TMEM79: variants seen among roughly 807,000 people sequenced by gnomAD.
TMEM79 encodes the protein mattrin.
TMEM79 carries 30 observed loss-of-function variants against 31.2 expected under a neutral mutation model. The ratio of observed to expected loss-of-function variants is 0.96; its 90% CI spans 0.72 to 1.30. The LOEUF (loss-of-function observed/expected upper bound fraction) is 1.30. Among genes scored for constraint, TMEM79 ranks in the 50% most tolerant of loss-of-function variants. The pLI is 0.00. For missense variants in TMEM79, 509 were observed against 528.2 expected, an observed-to-expected ratio of 0.96 and a Z score of 0.36; for synonymous variants, 213 against 229.5, an observed-to-expected ratio of 0.93 and a Z score of 0.65.
chr1:156,286,294 T>A lies in TMEM79; in HGVS notation c.792T>A (p.Phe264Leu). 6.2e-7 allele frequency: 1 copy of A among 1,614,220 alleles called. No homozygotes were observed. ...ILVYGLSLLC[F>L]SALRPFGEPR... ...TGTACGGGCTGAGCCTGTTATGCTT[T>A]TCTGCCCTTCGGCCCTTTGGGGAGC... is the stretch of plus-strand genomic sequence containing the variant. The change falls in exon 3 of 4, where the codon TTT (phenylalanine) becomes TTA (leucine). Residue 264 changes from phenylalanine (F) to leucine (L), a missense_variant. Phe to Leu is a conservative substitution (Grantham distance 22). Transcript: ENST00000405535.
chr1:156,288,165 T>C (rs1389754147), intron 3 of TMEM79, among the ~76,000 whole-genome samples: 5 of 147,810 alleles, frequency 3.4e-5, no homozygotes, highest in Non-Finnish European at 7.4e-5. Flanking sequence ...GCCACTGCAG[T>C]CTGGCCTGGG....
At chr1:156,285,055 T>C (rs1330297155) in intron 1 of TMEM79, 129 bp from the exon 2 acceptor site, 3 of 629,800 alleles carry the variant, frequency 4.8e-6, no homozygotes, top group South Asian at 4.2e-5. Flanking sequence ...TGTACCACGT[T>C]CTCCCTAAGG....
At chr1:156,290,088 CTA>C (rs1327427173) in intron 3 of TMEM79, 5 of 152,014 alleles carry the variant, frequency 3.3e-5, no homozygotes, top group Admixed American at 6.6e-5. Context: ...CACACTGCAG[CTA>C]TAAAAGAATG....
chr1:156,291,486 A>G lies in TMEM79; in HGVS notation c.1073A>G (p.Tyr358Cys), dbSNP rs1663329471. 4 of 1,612,776 alleles carry G rather than the reference A, an allele frequency of 2.5e-6. No homozygotes were observed. Among genetic ancestry groups the G allele is most frequent in the Non-Finnish European group, 3.4e-6 (4 of 1,179,846 alleles). Residue 358 changes from tyrosine (Y) to cysteine (C), a missense_variant, in exon 4 of 4, where the codon TAC becomes TGC. Tyr to Cys is a radical substitution (Grantham distance 194). Coordinates refer to ENST00000405535, the MANE Select transcript of TMEM79 (RefSeq NM_032323.3). ...CTGTCGATGCTGATGTGGAACCTCTACTACATGTTCGTGGTGGAGCCGGAG... is the reference window on the plus strand; with the variant it reads ...CTGTCGATGCTGATGTGGAACCTCTGCTACATGTTCGTGGTGGAGCCGGAG... Reference protein sequence around the residue: ...PLLSMLMWNLYYMFVVEPERM... With the variant: ...PLLSMLMWNLCYMFVVEPERM...
At position 156,285,933 on chromosome 1, in the gene TMEM79, T is replaced by C. The variant is rs1417956125; in HGVS notation, c.707T>C (p.Leu236Pro). Residue 236 changes from leucine to proline, a missense_variant, in exon 2 of 4, where the codon CTG (leucine) becomes CCG (proline). Coordinates refer to ENST00000405535, the MANE Select transcript of TMEM79 (RefSeq NM_032323.3). ...CGGCTGCCCACCATGAGTTCCCGCC[T>C]GATCTACACACTGCGCTGCGGGGTC... The part of the protein sequence containing the change: ...VPRLPTMSSR[L>P]IYTLRCGVFA... The C allele has an allele frequency of 2.1e-6, 3 of 1,433,918 alleles. No homozygotes were observed. Among genetic ancestry groups the C allele is most frequent in the Non-Finnish European group, 2.8e-6 (3 of 1,084,038 alleles). The allele number at this position is 1,433,918 out of a possible 1,614,324, so 88.8% of individuals were successfully genotyped here. A position where few individuals can be genotyped will look rare whatever the true frequency, so the allele number is the denominator to read the frequency against.
chr1:156,288,289 G>T (rs1019977902), intron 3 of TMEM79, among the ~76,000 whole-genome samples: 8 of 150,274 alleles, frequency 5.3e-5, no homozygotes, highest in Non-Finnish European at 1.2e-4. Flanking sequence ...CCAAATGCAG[G>T]TCTTTTCTTT....
In TMEM79 at chr1:156,285,985, T is replaced by A. The variant is rs1234869796; in HGVS notation, c.757+2T>A. ...TTGCCACCTTCCCCATTGTGCTGGG[T>A]GAGCCTGTGAGAAGAAAGGGGGCAT... On this transcript the variant is annotated splice_donor_variant, in intron 2 of 3. Transcript: ENST00000405535. LOFTEE classifies it high-confidence loss of function. 6.3e-7 allele frequency: 1 copy of A among 1,595,882 alleles called. No homozygotes were observed. The highest frequency in any genetic ancestry group is 8.5e-7 in the Non-Finnish European group (1 of 1,170,956).
chr1:156,289,219 A>C (rs1250919945), intron 3 of TMEM79, among the ~76,000 whole-genome samples: 1 of 152,242 alleles, frequency 6.6e-6, no homozygotes, highest in Non-Finnish European at 1.5e-5. Context: ...TCACACCTGT[A>C]ATCCCAGCAC....
At position 156,285,125 on chromosome 1, in the gene TMEM79, C is replaced by T. The variant is rs1024733629; in HGVS notation, c.-43-59C>T. The T allele has an allele frequency of 2.9e-5, 41 of 1,429,586 alleles. No homozygotes were observed. The South Asian group carries it at 5.9e-4, about 21-fold the overall frequency. 88.6% of individuals were successfully genotyped at this position (1,429,586 alleles called of 1,614,324 possible). The stretch of plus-strand genomic sequence containing the variant: ...CCCTGGAGAGTATGAGTTCTGTCAA[C>T]CTGTCCTAATAACTAGAAGACAGGG... On this transcript the variant is annotated intron_variant, in intron 1 of 3. Coordinates refer to ENST00000405535, the MANE Select transcript of TMEM79 (RefSeq NM_032323.3).
In TMEM79 at chr1:156,292,092, A is replaced by C; in HGVS notation, c.*494A>C. ...GGATAGAGGCTGGGCATCACATCAA[A>C]TGGGACTGTGGTGTTTGGTGAAAAC... On this transcript the variant is annotated 3_prime_UTR_variant, in exon 4 of 4. Transcript: ENST00000405535. The C allele has an allele frequency of 4.5e-6, 1 of 221,710 alleles. No individual in the cohort carries two copies. 13.7% of individuals were successfully genotyped at this position (221,710 alleles called of 1,614,324 possible). A position where few individuals can be genotyped will look rare whatever the true frequency, so the allele number is the denominator to read the frequency against.
upstream of TMEM79, among the ~76,000 whole-genome samples, chr1:156,283,990 G>C (rs1443911117): frequency 6.6e-6 from 1 of 152,164 alleles, no homozygotes; most frequent in African/African-American, 2.4e-5. Flanking sequence ...GCTAATAATT[G>C]GTGTCCAGTA....
chr1:156,285,151 G>T, intron 1 of TMEM79, 33 bp from the exon 2 acceptor site: 1 of 1,492,056 alleles, frequency 6.7e-7, no homozygotes, highest in Non-Finnish European at 8.9e-7. Flanking sequence ...GAAGACAGGG[G>T]TTTCTGACAG....
intron 3 of TMEM79, among the ~76,000 whole-genome samples, chr1:156,287,606 C>CTTTT (rs745468403): frequency 1.5e-4 from 11 of 72,656 alleles, no homozygotes; most frequent in African/African-American, 2.0e-4. Context: ...TTACTCTCCA[C>CTTTT]TTTTTTTTTT....
intron 3 of TMEM79, among the ~76,000 whole-genome samples, chr1:156,287,441 TA>T (rs568225119): frequency 1.3e-5 from 2 of 151,726 alleles, no homozygotes; most frequent in African/African-American, 4.8e-5. Context: ...TAATTAAAAT[TA>T]AAAAAATATA....
In TMEM79 at chr1:156,291,856, A is replaced by G; in HGVS notation, c.*258A>G. The G allele has an allele frequency of 1.7e-6, 1 of 596,372 alleles. No individual in the cohort carries two copies. Among genetic ancestry groups the G allele is most frequent in the Non-Finnish European group, 3.0e-6 (1 of 334,530 alleles). The allele number at this position is 596,372 out of a possible 1,614,324, so 36.9% of individuals were successfully genotyped here. ...AAAAGGTGGACAGCCGTGTTTCTTAAGGATGCTGAGGGCATGGGGCCAGGA... is the reference window on the plus strand; with the variant it reads ...AAAAGGTGGACAGCCGTGTTTCTTAGGGATGCTGAGGGCATGGGGCCAGGA... On this transcript the variant is annotated 3_prime_UTR_variant, in exon 4 of 4. Coordinates refer to ENST00000405535, the MANE Select transcript of TMEM79 (RefSeq NM_032323.3).
At chr1:156,290,051 A>G (rs1403698429) in intron 3 of TMEM79, 8 of 152,224 alleles carry the variant, frequency 5.3e-5, no homozygotes, top group African/African-American at 1.9e-4. Flanking sequence ...TAGTTTCTTC[A>G]TCTGCAAGAG....
intron 1 of TMEM79, among the ~76,000 whole-genome samples, chr1:156,284,708 A>C (rs1663099024): frequency 6.6e-6 from 1 of 152,188 alleles, no homozygotes; most frequent in Admixed American, 6.5e-5. Context: ...CACTGGTCTC[A>C]CTTGGAATGC....
chr1:156,285,591 C>T lies in TMEM79; in HGVS notation c.365C>T (p.Pro122Leu). ...ELPEDDANLL[P>L]EKAARAFVPI... ...CCCGAAGACGATGCCAACCTGCTGC[C>T]TGAGAAAGCGGCCCGTGCCTTCGTG... The change falls in exon 2 of 4, where the codon CCT becomes CTT. Residue 122 changes from proline (P) to leucine (L), a missense_variant. By Grantham distance (98) the Pro-to-Leu change is moderately conservative (BLOSUM62 -3). Coordinates refer to ENST00000405535, the MANE Select transcript of TMEM79 (RefSeq NM_032323.3). 6.2e-7 allele frequency: 1 copy of T among 1,614,254 alleles called. No homozygotes were observed. Among genetic ancestry groups the T allele is most frequent in the Non-Finnish European group, 8.5e-7 (1 of 1,180,050 alleles).
Position 156,285,992 on chromosome 1 carries a change from G to T in TMEM79, c.757+9G>T. Reference sequence around the variant, plus strand: ...CTTCCCCATTGTGCTGGGTGAGCCTGTGAGAAGAAAGGGGGCATCGGGAAG... The same window carrying T: ...CTTCCCCATTGTGCTGGGTGAGCCTTTGAGAAGAAAGGGGGCATCGGGAAG... On this transcript the variant is annotated intron_variant, in intron 2 of 3. Transcript: ENST00000405535. The T allele has an allele frequency of 6.3e-7, 1 of 1,592,638 alleles. No homozygotes were observed. Among genetic ancestry groups the T allele is most frequent in the Non-Finnish European group, 8.6e-7 (1 of 1,169,260 alleles).
Sources: gnomAD v4.1 joint callset for allele counts (sites outside exome capture counted in the v4.1 genomes callset) on GRCh38, gnomAD v4.1.1 for gene constraint, MANE v1.5 for transcripts, NCBI Gene and HGNC (gene_info 2026-07-23, HGNC 2026-07-21) for gene names.